RSPO2: variants seen among roughly 807,000 people sequenced by gnomAD.
The protein encoded by RSPO2 is R-spondin-2.
A neutral mutation model predicts 30.9 loss-of-function variants in RSPO2; 14 were observed. The ratio of observed to expected loss-of-function variants is 0.45; its 90% CI spans 0.30 to 0.71. The LOEUF (loss-of-function observed/expected upper bound fraction) is 0.71. Among genes scored for constraint, RSPO2 ranks in the 30% least tolerant of loss-of-function variants. The probability of loss-of-function intolerance (pLI) is 0.08; values close to 1 mark genes in which losing one functional copy is unlikely to be tolerated. For synonymous variants in RSPO2, 107 were observed against 96.4 expected (o/e 1.11, Z -0.64); for missense variants, 264 against 301.9 (o/e 0.87, Z 0.93).
At chr8:107,912,306 A>G (rs956796615) in intron 5 of RSPO2, among the ~76,000 whole-genome samples, 1 of 152,180 alleles carries the variant, frequency 6.6e-6, no homozygotes, top group Non-Finnish European at 1.5e-5. Flanking sequence ...CTTAGTGCGA[A>G]GTTAACTGCA....
At position 108,066,450 on chromosome 8, in the gene RSPO2, C is replaced by CT. The variant is rs5893904; in HGVS notation, c.94+16094dup. ...TTCCTGTTAGCAAAAACCAACAAGT[C>CT]TTTTTTTTTTAATGTCATTTTACTA... On this transcript the variant is annotated intron_variant, in intron 2 of 5. Transcript: ENST00000276659. Among the ~76,000 whole-genome samples, 79 of 149,584 alleles carry CT rather than the reference C, an allele frequency of 5.3e-4. 1 individual carries two copies. Among genetic ancestry groups the CT allele is most frequent in the Middle Eastern group, 3.5e-3 (1 of 286 alleles).
chr8:108,034,869 G>A (rs1337376907), intron 2 of RSPO2, among the ~76,000 whole-genome samples: 1 of 152,206 alleles, frequency 6.6e-6, no homozygotes, highest in Non-Finnish European at 1.5e-5. Context: ...CCTGTGACCA[G>A]TCGCACTCCT....
At chr8:107,980,863 G>GC (rs1244184738) in intron 3 of RSPO2, among the ~76,000 whole-genome samples, 1 of 152,120 alleles carries the variant, frequency 6.6e-6, no homozygotes, top group African/African-American at 2.4e-5. Flanking sequence ...AACCCCATTG[G>GC]CCCACTGGGG....
chr8:108,059,735 A>C (rs1812386758), intron 2 of RSPO2, among the ~76,000 whole-genome samples: 1 of 150,448 alleles, frequency 6.6e-6, no homozygotes, highest in Admixed American at 6.6e-5. Context: ...CATCATTCTC[A>C]GTAAACTATC....
At chr8:108,021,790 G>A (rs1331712839) in intron 2 of RSPO2, among the ~76,000 whole-genome samples, 2 of 152,074 alleles carry the variant, frequency 1.3e-5, no homozygotes, top group African/African-American at 2.4e-5. Flanking sequence ...TTGGGGACAA[G>A]GGGAGGGACA....
At chr8:107,959,493 C>T (rs1320720697) in intron 4 of RSPO2, among the ~76,000 whole-genome samples, 2 of 152,128 alleles carry the variant, frequency 1.3e-5, no homozygotes, top group African/African-American at 4.8e-5. Context: ...GGGCTCAGGT[C>T]CAGAGTCTGC....
intron 2 of RSPO2, among the ~76,000 whole-genome samples, chr8:108,003,305 ATATATATTTTTTTTTTTTTTT>A (rs1357644323): frequency 2.3e-4 from 6 of 26,420 alleles, no homozygotes; most frequent in African/African-American, 1.3e-3. Context: ...ATATATATAT[ATATATATTTTTTTTTTTTTTT>A]TTTTTTTTTT....
chr8:108,040,728 G>A (rs547397606), intron 2 of RSPO2, among the ~76,000 whole-genome samples: 40 of 152,264 alleles, frequency 2.6e-4, no homozygotes, highest in African/African-American at 9.6e-4. Context: ...AATTAGTTAC[G>A]AGACTTTTGC....
intron 3 of RSPO2, among the ~76,000 whole-genome samples, chr8:107,987,178 G>A (rs975057898): frequency 1.1e-4 from 16 of 151,940 alleles, no homozygotes; most frequent in Admixed American, 6.6e-5. Context: ...TAGTTACCAG[G>A]CCCCACTGGT....
At chr8:107,971,531 C>A (rs1399196571) in intron 3 of RSPO2, among the ~76,000 whole-genome samples, 1 of 152,166 alleles carries the variant, frequency 6.6e-6, no homozygotes, top group African/African-American at 2.4e-5. Flanking sequence ...GCAGCTACTG[C>A]ATTGCAACTG....
intron 2 of RSPO2, among the ~76,000 whole-genome samples, chr8:108,039,041 T>A (rs537771549): frequency 6.6e-5 from 10 of 152,182 alleles, no homozygotes; most frequent in African/African-American, 9.7e-5. Context: ...TTGAACGGCT[T>A]AAATAATTAA....
chr8:107,949,632 ACT>A (rs1457234618), intron 5 of RSPO2, among the ~76,000 whole-genome samples: 1 of 151,994 alleles, frequency 6.6e-6, no homozygotes, highest in Non-Finnish European at 1.5e-5. Flanking sequence ...GAAACAGAAA[ACT>A]CTTATGTTCT....
At chr8:107,936,180 A>G (rs1041806574) in intron 5 of RSPO2, among the ~76,000 whole-genome samples, 13 of 152,116 alleles carry the variant, frequency 8.5e-5, no homozygotes, top group African/African-American at 2.9e-4. Context: ...TAGCTTCTAC[A>G]TATGAGAACA....
intron 2 of RSPO2, among the ~76,000 whole-genome samples, chr8:108,026,006 G>A (rs906445476): frequency 3.3e-5 from 5 of 152,094 alleles, no homozygotes; most frequent in East Asian, 1.9e-4. Flanking sequence ...TACTTATTCC[G>A]CTGGGAAATC....
rs1471607799 is a variant in RSPO2, at chr8:107,900,310, T to A, written c.*765A>T. 2.0e-5 allele frequency: 3 copies of A among 151,936 alleles called. No individual in the cohort carries two copies. The highest frequency in any genetic ancestry group is 7.3e-5 in the African/African-American group (3 of 41,324). 9.4% of individuals were successfully genotyped at this position (151,936 alleles called of 1,614,324 possible). A position where few individuals can be genotyped will look rare whatever the true frequency, so the allele number is the denominator to read the frequency against. ...ATACAAAAACTAGTTTATCCTACCC[T>A]TACAATGAGAAATAAGCCCACAATG... On this transcript the variant is annotated 3_prime_UTR_variant, in exon 6 of 6. Coordinates refer to ENST00000276659, the MANE Select transcript of RSPO2 (RefSeq NM_178565.5).
At chr8:107,968,158 C>T (rs1586586855) in intron 3 of RSPO2, among the ~76,000 whole-genome samples, 1 of 152,198 alleles carries the variant, frequency 6.6e-6, no homozygotes, top group Admixed American at 6.6e-5. Context: ...TTTATTGCAG[C>T]ACTATTTATA....
intron 2 of RSPO2, among the ~76,000 whole-genome samples, chr8:108,066,360 A>G (rs770571846): frequency 6.6e-6 from 1 of 152,214 alleles, no homozygotes; most frequent in Non-Finnish European, 1.5e-5. Flanking sequence ...TCTGAAAGCT[A>G]TTAACAGAAA....
chr8:107,986,771 G>A (rs1814653396), intron 3 of RSPO2, among the ~76,000 whole-genome samples: 1 of 152,024 alleles, frequency 6.6e-6, no homozygotes, highest in South Asian at 2.1e-4. Flanking sequence ...TCTTCCTTGT[G>A]CGCTAATAGT....
intron 2 of RSPO2, among the ~76,000 whole-genome samples, chr8:108,019,794 C>T (rs765509484): frequency 9.9e-5 from 15 of 151,988 alleles, no homozygotes; most frequent in Non-Finnish European, 1.9e-4. Context: ...TATAGTAGTC[C>T]CTTATGGGGA....
Sources: gnomAD v4.1 joint callset for allele counts (sites outside exome capture counted in the v4.1 genomes callset) on GRCh38, gnomAD v4.1.1 for gene constraint, MANE v1.5 for transcripts, NCBI Gene and HGNC (gene_info 2026-07-23, HGNC 2026-07-21) for gene names.